METAP1D: variants seen among roughly 807,000 people sequenced by gnomAD.
The protein encoded by METAP1D is methionyl aminopeptidase type 1D, mitochondrial.
METAP1D carries 31 observed loss-of-function variants against 40.5 expected under a neutral mutation model. The ratio of observed to expected loss-of-function variants is 0.77; its 90% CI spans 0.58 to 1.03. METAP1D has a LOEUF of 1.03. Ranked by LOEUF, METAP1D falls within the 50% of genes least tolerant of loss-of-function variation. The probability of loss-of-function intolerance (pLI) is 0.00; values close to 1 mark genes in which losing one functional copy is unlikely to be tolerated. For missense variants in METAP1D, 411 were observed against 420.7 expected, an observed-to-expected ratio of 0.98 and a Z score of 0.20; for synonymous variants, 151 against 146.4, an observed-to-expected ratio of 1.03 and a Z score of -0.22.
At chr2:172,032,937 T>C (rs1186203205) in intron 1 of METAP1D, among the ~76,000 whole-genome samples, 1 of 152,074 alleles carries the variant, frequency 6.6e-6, no homozygotes, top group Non-Finnish European at 1.5e-5. Context: ...CGGGCGTCTG[T>C]AGTCCCAGCT....
chr2:172,046,596 T>C (rs963250446), intron 1 of METAP1D, among the ~76,000 whole-genome samples: 1 of 152,232 alleles, frequency 6.6e-6, no homozygotes, highest in African/African-American at 2.4e-5. Context: ...GGTGGTTGCA[T>C]GCAACAGTAT....
intron 1 of METAP1D, among the ~76,000 whole-genome samples, chr2:172,041,408 G>A (rs989203763): frequency 1.6e-5 from 2 of 124,760 alleles, no homozygotes; most frequent in East Asian, 2.1e-4. Flanking sequence ...TCAGTGAGCC[G>A]ATATCGTGCC....
intron 3 of METAP1D, among the ~76,000 whole-genome samples, chr2:172,065,097 T>C (rs894935976): frequency 2.6e-5 from 4 of 152,238 alleles, no homozygotes; most frequent in African/African-American, 2.4e-5. Context: ...TTAGACTCAC[T>C]CTTTTAAATA....
At chr2:172,045,809 G>GTA (rs1159340647) in intron 1 of METAP1D, among the ~76,000 whole-genome samples, 50 of 69,938 alleles carry the variant, frequency 7.1e-4, no homozygotes, top group African/African-American at 2.3e-3. Flanking sequence ...GTGTGTGTGT[G>GTA]TGTGTGTGTG....
intron 1 of METAP1D, among the ~76,000 whole-genome samples, chr2:172,006,096 AT>A (rs1688573590): frequency 6.6e-6 from 1 of 152,198 alleles, no homozygotes; most frequent in South Asian, 2.1e-4. Context: ...TAAAATATCA[AT>A]ATTTCTGTAT....
In METAP1D at chr2:172,042,489, GTACATATA is replaced by G. The variant is rs1269671050; in HGVS notation, c.41-18993_41-18986del. On this transcript the variant is annotated intron_variant, in intron 1 of 9. Coordinates refer to ENST00000315796, the MANE Select transcript of METAP1D (RefSeq NM_199227.3). ...TATATACATATGTGTGTGTACATGT[GTACATATA>G]TACATATATACATATGTATGTGTAC... Among the ~76,000 whole-genome samples, 6 of 45,654 alleles carry G rather than the reference GTACATATA, an allele frequency of 1.3e-4. 3 individuals are homozygous for G. Among genetic ancestry groups the G allele is most frequent in the African/African-American group, 1.8e-4 (2 of 10,822 alleles). The allele number at this position is 45,654 out of a possible 152,430, so 30.0% of individuals were successfully genotyped here. A position where few individuals can be genotyped will look rare whatever the true frequency, so the allele number is the denominator to read the frequency against.
chr2:172,043,059 GTATA>G lies in METAP1D; in HGVS notation c.41-18432_41-18429del, dbSNP rs199646261. Among the ~76,000 whole-genome samples, 5 of 118,814 alleles carry G rather than the reference GTATA, an allele frequency of 4.2e-5. 1 individual carries two copies. The highest frequency in any genetic ancestry group is 1.4e-4 in the African/African-American group (5 of 36,304). 77.9% of individuals were successfully genotyped at this position (118,814 alleles called of 152,430 possible). ...TGTGTACACGTGTACACATATATGT[GTATA>G]TATATACGTGTGTGTGTACATATAT... On this transcript the variant is annotated intron_variant, in intron 1 of 9. Coordinates refer to ENST00000315796, the MANE Select transcript of METAP1D (RefSeq NM_199227.3).
At position 172,041,802 on chromosome 2, in the gene METAP1D, T is replaced by C. The variant is rs1689539740; in HGVS notation, c.41-19696T>C. ...CAAAAGAAATGACCTAATATATATATAGTTTTTTTTTTTTTTAAGATGGAG... is the reference window on the plus strand; with the variant it reads ...CAAAAGAAATGACCTAATATATATACAGTTTTTTTTTTTTTTAAGATGGAG... On this transcript the variant is annotated intron_variant, in intron 1 of 9. Transcript: ENST00000315796. Among the ~76,000 whole-genome samples the C allele has an allele frequency of 2.4e-5, 2 of 84,594 alleles. 1 individual carries two copies. 55.5% of individuals were successfully genotyped at this position (84,594 alleles called of 152,430 possible).
chr2:172,068,479 A>G (rs891126487), intron 5 of METAP1D, among the ~76,000 whole-genome samples: 6 of 152,162 alleles, frequency 3.9e-5, no homozygotes, highest in African/African-American at 1.4e-4. Context: ...CAGACTTTCA[A>G]AAGTATTGTA....
chr2:172,071,062 C>T lies in METAP1D; in HGVS notation c.696C>T (p.Asn232=), dbSNP rs1690411233. 6.2e-7 allele frequency: 1 copy of T among 1,609,130 alleles called. No homozygotes were observed. The highest frequency in any genetic ancestry group is 1.3e-5 in the African/African-American group (1 of 74,788). Reference sequence around the variant, plus strand: ...GGGCTCCCTTCTCTGTAATTGGAAACACAATCAGGTAAGCCTTACATTGAC... The same window carrying T: ...GGGCTCCCTTCTCTGTAATTGGAAATACAATCAGGTAAGCCTTACATTGAC... The part of the protein sequence containing the change: ...RAGAPFSVIG[N]TISHITHQNG... Residue 232 remains asparagine, a synonymous_variant, in exon 6 of 10, where the codon AAC becomes AAT. Transcript: ENST00000315796.
At chr2:172,059,318 T>C (rs921213429) in intron 1 of METAP1D, among the ~76,000 whole-genome samples, 7 of 151,860 alleles carry the variant, frequency 4.6e-5, no homozygotes, top group African/African-American at 1.7e-4. Flanking sequence ...ATTACAGGCG[T>C]GACCCACCGC....
chr2:172,057,676 GA>G (rs1489430323), intron 1 of METAP1D, among the ~76,000 whole-genome samples: 4 of 152,184 alleles, frequency 2.6e-5, no homozygotes, highest in Non-Finnish European at 4.4e-5. Flanking sequence ...GCCTGTGAGA[GA>G]AGTAATACAT....
At chr2:172,045,729 G>GTA (rs1179941875) in intron 1 of METAP1D, among the ~76,000 whole-genome samples, 5 of 85,428 alleles carry the variant, frequency 5.9e-5, no homozygotes, top group African/African-American at 1.9e-4. Flanking sequence ...GTGTGTGTGT[G>GTA]TGTATATATA....
intron 1 of METAP1D, among the ~76,000 whole-genome samples, chr2:172,027,347 C>G (rs1033388340): frequency 1.3e-5 from 2 of 152,184 alleles, no homozygotes; most frequent in Non-Finnish European, 2.9e-5. Context: ...TTTACAGTAC[C>G]TTTTCCATGT....
At position 172,079,153 on chromosome 2, in the gene METAP1D, C is replaced by T. The variant is rs1367662588; in HGVS notation, c.803-62C>T. On this transcript the variant is annotated intron_variant, in intron 7 of 9. Coordinates refer to ENST00000315796, the MANE Select transcript of METAP1D (RefSeq NM_199227.3). ...TTTAAAGGGGCCTGACCCCTGTAAT[C>T]TGTTTTTTTTTTCTGTCCTCCCCAT... The T allele has an allele frequency of 4.6e-6, 7 of 1,534,096 alleles. No individual in the cohort carries two copies. In the East Asian group the frequency reaches 1.4e-4, roughly 30 times the overall value.
At chr2:172,014,087 T>G (rs1376632877) in intron 1 of METAP1D, among the ~76,000 whole-genome samples, 7 of 151,460 alleles carry the variant, frequency 4.6e-5, no homozygotes, top group African/African-American at 1.7e-4. Flanking sequence ...CCTCTGAAAG[T>G]GCTGGGATTA....
At chr2:172,043,575 G>T (rs1242966996) in intron 1 of METAP1D, among the ~76,000 whole-genome samples, 1 of 134,064 alleles carries the variant, frequency 7.5e-6, no homozygotes, top group East Asian at 2.0e-4. Context: ...AGAAAAGTAC[G>T]TTTAATGTTT....
intron 1 of METAP1D, among the ~76,000 whole-genome samples, chr2:172,035,158 G>T (rs200201394): frequency 0.032 from 4,241 of 134,600 alleles, 89 homozygotes; most frequent in East Asian, 0.15. Context: ...TTTTTTTTTT[G>T]TTTGTTTGTT....
At chr2:172,078,605 C>CT (rs1267640094) in intron 7 of METAP1D, among the ~76,000 whole-genome samples, 2 of 152,200 alleles carry the variant, frequency 1.3e-5, no homozygotes, top group Non-Finnish European at 2.9e-5. Flanking sequence ...AAGGACTACT[C>CT]TTTCGGACCC....
Sources: gnomAD v4.1 joint callset for allele counts (sites outside exome capture counted in the v4.1 genomes callset) on GRCh38, gnomAD v4.1.1 for gene constraint, MANE v1.5 for transcripts, NCBI Gene and HGNC (gene_info 2026-07-23, HGNC 2026-07-21) for gene names.